Variants in FKBP14 observed in about 807,000 individuals in gnomAD.
FKBP14 encodes the protein peptidyl-prolyl cis-trans isomerase FKBP14.
A neutral mutation model predicts 21.6 loss-of-function variants in FKBP14; 20 were observed. That is an observed-to-expected ratio of 0.92 (90% CI 0.65 to 1.34). The LOEUF (loss-of-function observed/expected upper bound fraction) is 1.34. FKBP14 is among the 40% of genes most tolerant of loss of function. FKBP14 has a pLI of 0.00. For synonymous variants in FKBP14, 79 were observed against 86.7 expected, an observed-to-expected ratio of 0.91 and a Z score of 0.49; for missense variants, 253 against 249.0, an observed-to-expected ratio of 1.02 and a Z score of -0.11.
At chr7:30,015,031 C>T (rs1474411172) in intron 3 of FKBP14, 138 bp from the exon 4 acceptor site, 1 of 463,646 alleles carries the variant, frequency 2.2e-6, no homozygotes, top group African/African-American at 2.0e-5. Context: ...CATTTTATGA[C>T]ATAGTTTTAA....
chr7:30,006,116 C>CT (rs67895228), downstream of FKBP14, among the ~76,000 whole-genome samples: 55 of 110,314 alleles, frequency 5.0e-4, no homozygotes, highest in South Asian at 1.6e-3. Flanking sequence ...TTAGGATAGT[C>CT]TTTTTTTTTT....
downstream of FKBP14, among the ~76,000 whole-genome samples, chr7:30,006,137 T>G (rs1184788305): frequency 1.5e-5 from 2 of 135,200 alleles, no homozygotes; most frequent in African/African-American, 5.7e-5. Flanking sequence ...TTTTTTTTTT[T>G]TAAGATAGGG....
intron 3 of FKBP14, among the ~76,000 whole-genome samples, chr7:30,018,096 A>C (rs535318131): frequency 3.9e-5 from 6 of 152,216 alleles, no homozygotes; most frequent in Non-Finnish European, 7.3e-5. Context: ...AAAATTATTT[A>C]ATGAAAGGGA....
intron 1 of FKBP14, among the ~76,000 whole-genome samples, chr7:30,023,367 G>C (rs1339534051): frequency 1.3e-5 from 2 of 152,182 alleles, no homozygotes; most frequent in Non-Finnish European, 2.9e-5. Context: ...CAACATATGT[G>C]GGTCCATATG....
intron 3 of FKBP14, among the ~76,000 whole-genome samples, chr7:30,017,973 G>A (rs1007603573): frequency 5.9e-5 from 9 of 151,670 alleles, no homozygotes; most frequent in Admixed American, 5.9e-4. Context: ...TCCAGGCTGG[G>A]CAACAGAGCA....
At chr7:30,006,734 AATT>A (rs1361939324), downstream of FKBP14, among the ~76,000 whole-genome samples, 1 of 152,144 alleles carries the variant, frequency 6.6e-6, no homozygotes, top group Admixed American at 6.5e-5. Context: ...AATAGTCCCC[AATT>A]ATTATGAAAT....
chr7:30,020,373 T>C, intron 2 of FKBP14: 4 of 749,882 alleles, frequency 5.3e-6, no homozygotes, highest in Non-Finnish European at 7.9e-6. Flanking sequence ...AGGAAATGAC[T>C]CAAATTTAGA....
rs935783818 is a variant in FKBP14, at chr7:30,022,764, C to T, written c.250G>A (p.Ala84Thr). 6.2e-7 allele frequency: 1 copy of T among 1,614,148 alleles called. No homozygotes were observed. Among genetic ancestry groups the T allele is most frequent in the Non-Finnish European group, 8.5e-7 (1 of 1,180,024 alleles). Residue 84 changes from alanine to threonine, a missense_variant, in exon 2 of 4, where the codon GCT becomes ACT. Physicochemically the swap from Ala to Thr is moderately conservative, Grantham distance 58 (BLOSUM62 0). Coordinates refer to ENST00000222803, the MANE Select transcript of FKBP14 (RefSeq NM_017946.4). ...PIWFTLGILEALKGWDQGLKG... is the reference protein window; with the variant it reads ...PIWFTLGILETLKGWDQGLKG... ...AAGCCCTGGTCCCAACCTTTGAGAG[C>T]CTCCAGGATGCCCAGGGTAAACCAA...
rs56283024 is a variant in FKBP14, at chr7:30,017,998, G to GAAAT, written c.477+994_477+997dup. On this transcript the variant is annotated intron_variant, in intron 3 of 3. Coordinates refer to ENST00000222803, the MANE Select transcript of FKBP14 (RefSeq NM_017946.4). Reference sequence around the variant, plus strand: ...GCAACAGAGCAAGACTCCCTCTCAGGAAATAAATAAATAAATAAATAAATA... The same window carrying GAAAT: ...GCAACAGAGCAAGACTCCCTCTCAGGAAATAAATAAATAAATAAATAAATAAATA... Among the ~76,000 whole-genome samples, 1,003 of 145,844 alleles carry GAAAT rather than the reference G, an allele frequency of 6.9e-3. 9 individuals are homozygous for GAAAT. The highest frequency in any genetic ancestry group is 8.4e-3 in the African/African-American group (325 of 38,786).
intron 1 of FKBP14, among the ~76,000 whole-genome samples, chr7:30,024,568 T>C (rs1562840062): frequency 6.6e-6 from 1 of 152,072 alleles, no homozygotes; most frequent in Non-Finnish European, 1.5e-5. Context: ...CAGATAACTT[T>C]TGTATTTTTA....
In FKBP14 at chr7:30,026,310, AC is replaced by A. The variant is rs777123207; in HGVS notation, c.197+1del. 6.2e-7 allele frequency: 1 copy of A among 1,601,468 alleles called. No individual in the cohort carries two copies. Among genetic ancestry groups the A allele is most frequent in the Non-Finnish European group, 8.5e-7 (1 of 1,172,592 alleles). On this transcript the variant is annotated splice_donor_variant, in intron 1 of 3. Transcript: ENST00000222803. LOFTEE classifies it high-confidence loss of function. ...TTTTACCTGCGGGGCATAATTACTTACGTGGAGTGAAATAAGGAGCCGTCCT... is the reference window on the plus strand; with the variant it reads ...TTTTACCTGCGGGGCATAATTACTTAGTGGAGTGAAATAAGGAGCCGTCCT...
rs758323701 is a variant in FKBP14, at chr7:30,012,566, CT to C, written c.*2168del. The C allele has an allele frequency of 2.2e-4, 33 of 152,148 alleles. No individual in the cohort carries two copies. Among genetic ancestry groups the C allele is most frequent in the Non-Finnish European group, 3.5e-4 (24 of 68,026 alleles). The allele number at this position is 152,148 out of a possible 1,614,324, so 9.4% of individuals were successfully genotyped here. On this transcript the variant is annotated 3_prime_UTR_variant, in exon 4 of 4. Coordinates refer to ENST00000222803, the MANE Select transcript of FKBP14 (RefSeq NM_017946.4). ...GTCTTGTTAAGAACTTTATGTTTTA[CT>C]GAGGAAAATGTCAACATATAATCAG...
chr7:30,025,749 ACT>A (rs1447807879), intron 1 of FKBP14: 1 of 152,120 alleles, frequency 6.6e-6, no homozygotes, highest in Non-Finnish European at 1.5e-5. Flanking sequence ...ATGAAGTCTG[ACT>A]CTCTAGAAAG....
At chr7:30,008,605 C>T (rs62446667), downstream of FKBP14, among the ~76,000 whole-genome samples, 21,972 of 150,530 alleles carry the variant, frequency 0.15, 1,631 homozygotes, top group Middle Eastern at 0.19. Context: ...TCTGTAGTCC[C>T]AGTTACTCAG....
chr7:30,020,726 G>A (rs1166825831), intron 2 of FKBP14, among the ~76,000 whole-genome samples: 7 of 151,976 alleles, frequency 4.6e-5, no homozygotes, highest in African/African-American at 7.3e-5. Flanking sequence ...TAACTAAAAC[G>A]GTAGAAAGTG....
chr7:30,006,573 T>C (rs1230844542), downstream of FKBP14, among the ~76,000 whole-genome samples: 2 of 152,172 alleles, frequency 1.3e-5, no homozygotes, highest in Non-Finnish European at 2.9e-5. Context: ...AGGGAAGATG[T>C]TCACAAAAAT....
rs188846464 is a variant in FKBP14, at chr7:30,016,219, A to G, written c.478-1326T>C. On this transcript the variant is annotated intron_variant, in intron 3 of 3. Transcript: ENST00000222803. Reference sequence around the variant, plus strand: ...ACTGCACCCCATGGACACTTCTCTTAAAACTAGATTAAATAGTGGCATCTT... The same window carrying G: ...ACTGCACCCCATGGACACTTCTCTTGAAACTAGATTAAATAGTGGCATCTT... 4.1e-4 allele frequency among the ~76,000 whole-genome samples: 62 copies of G among 151,930 alleles called. 1 individual carries two copies. The highest frequency in any genetic ancestry group is 1.4e-3 in the African/African-American group (56 of 41,446).
In FKBP14 at chr7:30,022,821, G is replaced by A; in HGVS notation, c.198-5C>T. On this transcript the variant is annotated splice_polypyrimidine_tract_variant and splice_region_variant and intron_variant, in intron 1 of 3. Transcript: ENST00000222803. ...TGACCATTGTTATGTTTGTGACTAT[G>A]ATAGAAATAAAACACATTAGAACTC... 6.2e-7 allele frequency: 1 copy of A among 1,610,064 alleles called. No homozygotes were observed. Among genetic ancestry groups the A allele is most frequent in the Non-Finnish European group, 8.5e-7 (1 of 1,178,886 alleles).
intron 1 of FKBP14, among the ~76,000 whole-genome samples, chr7:30,024,836 G>A (rs1332159290): frequency 7.9e-5 from 12 of 152,244 alleles, no homozygotes; most frequent in Admixed American, 7.8e-4. Flanking sequence ...TACCACCAAA[G>A]TCAGCACAGG....
Sources: gnomAD v4.1 joint callset for allele counts (sites outside exome capture counted in the v4.1 genomes callset) on GRCh38, gnomAD v4.1.1 for gene constraint, MANE v1.5 for transcripts, NCBI Gene and HGNC (gene_info 2026-07-23, HGNC 2026-07-21) for gene names.